Variants in NOL4 observed in about 807,000 individuals in gnomAD.
The protein encoded by NOL4 is cancer/testis antigen 125.
NOL4 carries 17 observed loss-of-function variants against 75.9 expected under a neutral mutation model. The ratio of observed to expected loss-of-function variants is 0.22; its 90% CI spans 0.15 to 0.34. The LOEUF (loss-of-function observed/expected upper bound fraction) is 0.34, where lower values mean the gene tolerates loss of function less well. Ranked by LOEUF, NOL4 falls within the 10% of genes least tolerant of loss-of-function variation. NOL4 has a pLI of 1.00. For synonymous variants in NOL4, 292 were observed against 289.9 expected (o/e 1.01, Z -0.07); for missense variants, 614 against 793.5 (o/e 0.77, Z 2.72).
At chr18:34,127,836 T>G (rs907247152) in intron 2 of NOL4, among the ~76,000 whole-genome samples, 3 of 151,852 alleles carry the variant, frequency 2.0e-5, no homozygotes, top group South Asian at 4.1e-4. Flanking sequence ...GGAAAAAGTT[T>G]AGGCCAAAAA....
intron 9 of NOL4, among the ~76,000 whole-genome samples, chr18:33,884,239 C>G (rs900949404): frequency 1.3e-5 from 2 of 152,042 alleles, no homozygotes; most frequent in Non-Finnish European, 2.9e-5. Context: ...CTCTCCTTCT[C>G]TGTTGTCTCT....
chr18:33,865,410 G>A (rs1263455663), intron 10 of NOL4, among the ~76,000 whole-genome samples: 1 of 151,666 alleles, frequency 6.6e-6, no homozygotes, highest in East Asian at 1.9e-4. Context: ...TGTTACTTTC[G>A]ATTTTTTTCC....
At chr18:33,915,846 A>G (rs909825869) in intron 9 of NOL4, among the ~76,000 whole-genome samples, 10 of 152,146 alleles carry the variant, frequency 6.6e-5, no homozygotes, top group Non-Finnish European at 1.2e-4. Flanking sequence ...AACAAAGTCA[A>G]TTCCTCTTTG....
chr18:33,880,126 G>T (rs1304482452), intron 10 of NOL4, among the ~76,000 whole-genome samples: 1 of 152,002 alleles, frequency 6.6e-6, no homozygotes, highest in Non-Finnish European at 1.5e-5. Flanking sequence ...CATTTGCACT[G>T]TCTTTCTGTG....
At chr18:33,894,868 A>C (rs2065305259) in intron 9 of NOL4, among the ~76,000 whole-genome samples, 1 of 152,054 alleles carries the variant, frequency 6.6e-6, no homozygotes, top group Non-Finnish European at 1.5e-5. Context: ...AAAGGGTGCA[A>C]AGTTTCAGAC....
chr18:34,150,141 A>T (rs2081580941), intron 1 of NOL4, among the ~76,000 whole-genome samples: 1 of 151,694 alleles, frequency 6.6e-6, no homozygotes, highest in Non-Finnish European at 1.5e-5. Flanking sequence ...CCCAGAATTT[A>T]ATAAGTACTC....
chr18:34,107,898 G>A (rs771417518), intron 2 of NOL4, among the ~76,000 whole-genome samples: 1 of 152,114 alleles, frequency 6.6e-6, no homozygotes, highest in African/African-American at 2.4e-5. Context: ...CACCTGAGTA[G>A]AGCATAGAAA....
chr18:33,904,760 C>A (rs2065937683), intron 9 of NOL4, among the ~76,000 whole-genome samples: 1 of 152,082 alleles, frequency 6.6e-6, no homozygotes. Flanking sequence ...AGTCCCAGTA[C>A]AATTGATAGT....
intron 6 of NOL4, among the ~76,000 whole-genome samples, chr18:33,972,843 T>C (rs757858526): frequency 7.2e-5 from 11 of 152,332 alleles, no homozygotes; most frequent in African/African-American, 1.9e-4. Flanking sequence ...CCAAAAATCA[T>C]TGGACCCTTC....
intron 1 of NOL4, among the ~76,000 whole-genome samples, chr18:34,189,723 G>A (rs1277260805): frequency 6.6e-6 from 1 of 151,696 alleles, no homozygotes; most frequent in East Asian, 1.9e-4. Flanking sequence ...ATAATACTAA[G>A]CCATTTTAAA....
intron 10 of NOL4, among the ~76,000 whole-genome samples, chr18:33,854,042 T>C (rs2062734806): frequency 6.6e-6 from 1 of 152,124 alleles, no homozygotes; most frequent in Non-Finnish European, 1.5e-5. Context: ...TTTAAATCCT[T>C]GAATAAAACA....
intron 5 of NOL4, among the ~76,000 whole-genome samples, chr18:34,022,454 A>C (rs2075100794): frequency 6.6e-6 from 1 of 152,096 alleles, no homozygotes; most frequent in African/African-American, 2.4e-5. Flanking sequence ...TGAAATGTCT[A>C]GGGTTTCTGA....
At chr18:33,997,321 G>A (rs2146188632) in intron 6 of NOL4, among the ~76,000 whole-genome samples, 1 of 151,948 alleles carries the variant, frequency 6.6e-6, no homozygotes, top group Non-Finnish European at 1.5e-5. Flanking sequence ...AGCAGCATTT[G>A]TTGAATGGGG....
chr18:34,118,606 T>C lies in NOL4; in HGVS notation c.414+11265A>G, dbSNP rs182511977. ...CTTCAATTCAAGGAACATCTGTCTT[T>C]TTCTGTTTTATATATTGAATATCTT... is the stretch of plus-strand genomic sequence containing the variant. On this transcript the variant is annotated intron_variant, in intron 2 of 10. Coordinates refer to ENST00000261592, the MANE Select transcript of NOL4 (RefSeq NM_003787.5). Among the ~76,000 whole-genome samples, 303 of 152,256 alleles carry C rather than the reference T, an allele frequency of 2.0e-3. 2 individuals carry two copies. The highest frequency in any genetic ancestry group is 0.019 in the Admixed American group (289 of 15,302).
At chr18:33,970,749 G>A (rs1050035540) in intron 6 of NOL4, among the ~76,000 whole-genome samples, 1 of 151,716 alleles carries the variant, frequency 6.6e-6, no homozygotes, top group African/African-American at 2.4e-5. Flanking sequence ...GTGTGTGTGT[G>A]TGTATGTGTA....
At chr18:34,031,429 C>T (rs559908220) in intron 5 of NOL4, among the ~76,000 whole-genome samples, 1 of 152,174 alleles carries the variant, frequency 6.6e-6, no homozygotes, top group Non-Finnish European at 1.5e-5. Context: ...TATATCATTG[C>T]TTGTTTCCAA....
chr18:33,979,913 T>C (rs958192156), intron 6 of NOL4, among the ~76,000 whole-genome samples: 2 of 152,022 alleles, frequency 1.3e-5, no homozygotes, highest in Non-Finnish European at 2.9e-5. Flanking sequence ...ACCTGCCTCA[T>C]AAGAAAGCAA....
At chr18:33,937,774 A>T (rs193049381) in intron 9 of NOL4, among the ~76,000 whole-genome samples, 1 of 152,242 alleles carries the variant, frequency 6.6e-6, no homozygotes, top group East Asian at 1.9e-4. Context: ...GCAAGAAAAA[A>T]GTAGTTTATA....
At chr18:33,921,052 G>T (rs995882579) in intron 9 of NOL4, among the ~76,000 whole-genome samples, 1 of 152,150 alleles carries the variant, frequency 6.6e-6, no homozygotes, top group African/African-American at 2.4e-5. Context: ...TTTTAAACTT[G>T]CTTGGGAACT....
Sources: allele counts gnomAD v4.1 joint callset (sites outside exome capture counted in the v4.1 genomes callset), GRCh38; gene constraint gnomAD v4.1.1; transcripts MANE v1.5; gene names NCBI Gene and HGNC (gene_info 2026-07-23, HGNC 2026-07-21).